The following RAP1GAP variants were observed in gnomAD, a reference collection of about 807,000 sequenced individuals.
The protein encoded by RAP1GAP is RAP1 GTPase activating protein.
A neutral mutation model predicts 87.2 loss-of-function variants in RAP1GAP; 35 were observed. That is an observed-to-expected ratio of 0.40 (90% CI 0.31 to 0.53). The LOEUF (loss-of-function observed/expected upper bound fraction) is 0.53, where lower values mean the gene tolerates loss of function less well. Among genes scored for constraint, RAP1GAP ranks in the 20% least tolerant of loss-of-function variants. The pLI, the probability that RAP1GAP is intolerant of heterozygous loss-of-function variation, is 0.48. For synonymous variants in RAP1GAP, 375 were observed against 363.9 expected (o/e 1.03, Z -0.35); for missense variants, 734 against 898.9 (o/e 0.82, Z 2.35).
chr1:21,640,447 A>G (rs2095414570), intron 2 of RAP1GAP, among the ~76,000 whole-genome samples: 1 of 152,236 alleles, frequency 6.6e-6, no homozygotes, highest in African/African-American at 2.4e-5. Flanking sequence ...GATCTGCTGC[A>G]TGAATGAATG....
chr1:21,602,083 C>T (rs962341537), intron 19 of RAP1GAP, among the ~76,000 whole-genome samples: 2 of 152,202 alleles, frequency 1.3e-5, no homozygotes, highest in Non-Finnish European at 2.9e-5. Flanking sequence ...CCCAGGGACG[C>T]ACAGCTAGGA....
intron 2 of RAP1GAP, among the ~76,000 whole-genome samples, chr1:21,644,916 A>AGAG (rs1231859658): frequency 3.3e-5 from 5 of 149,370 alleles, no homozygotes; most frequent in African/African-American, 1.2e-4. Context: ...AAAAAAAAAA[A>AGAG]AAAAGAGAAA....
intron 20 of RAP1GAP, among the ~76,000 whole-genome samples, chr1:21,600,096 G>A (rs1010274256): frequency 1.3e-5 from 2 of 152,158 alleles, no homozygotes; most frequent in African/African-American, 4.8e-5. Flanking sequence ...ACAGGTGGGA[G>A]GGCAGGGGTT....
chr1:21,602,995 GC>G, intron 18 of RAP1GAP, 82 bp from the exon 19 acceptor site: 2 of 998,528 alleles, frequency 2.0e-6, no homozygotes, highest in Non-Finnish European at 3.0e-6. Context: ...GGATCCTGCT[GC>G]CCCAGGCCCT....
rs1371309323 is a variant in RAP1GAP at position 21,622,284 on chromosome 1, C to T, written c.-18-2234G>A. ...AGAGCCGGCCGGGCTCCCCAGCAGT[C>T]GGGGTGACCCAGCCCCGGGGTCCCT... On this transcript the variant is annotated intron_variant, in intron 3 of 24. Coordinates refer to ENST00000374765, the MANE Select transcript of RAP1GAP (RefSeq NM_002885.4). This position sits in a 1 kb window ranked among gnomAD's most constrained non-coding sequence, Gnocchi z 5.7. 1.0e-5 allele frequency: 5 copies of T among 481,244 alleles called. No homozygotes were observed. The highest frequency in any genetic ancestry group is 5.8e-5 in the South Asian group (2 of 34,720). 29.8% of individuals were successfully genotyped at this position (481,244 alleles called of 1,614,324 possible).
intron 3 of RAP1GAP, among the ~76,000 whole-genome samples, chr1:21,620,852 A>T (rs1053075902): frequency 6.7e-6 from 1 of 149,746 alleles, no homozygotes; most frequent in Non-Finnish European, 1.5e-5. Context: ...AAGCACGCAC[A>T]CTCTCTCTCT....
intron 16 of RAP1GAP, 48 bp downstream of exon 16, chr1:21,608,802 G>T (rs1180696186): frequency 6.5e-7 from 1 of 1,542,506 alleles, no homozygotes. Context: ...GAAGTTATAG[G>T]TTGGAAGGTG....
intron 3 of RAP1GAP, among the ~76,000 whole-genome samples, chr1:21,625,144 C>T (rs755335914): frequency 1.3e-5 from 2 of 152,218 alleles, no homozygotes; most frequent in Non-Finnish European, 2.9e-5. Context: ...GTGGCACCCC[C>T]ATGAAGGTGG....
intron 2 of RAP1GAP, among the ~76,000 whole-genome samples, chr1:21,647,885 C>T (rs770755578): frequency 2.6e-5 from 4 of 152,124 alleles, no homozygotes; most frequent in Non-Finnish European, 4.4e-5. Flanking sequence ...GGAGGGACAT[C>T]AAGGGGAGGT....
At chr1:21,633,651 T>C (rs2094193248) in intron 2 of RAP1GAP, among the ~76,000 whole-genome samples, 1 of 149,066 alleles carries the variant, frequency 6.7e-6, no homozygotes, top group Non-Finnish European at 1.5e-5. Context: ...GGGAGTGGTC[T>C]GGAAGGGCGG....
At chr1:21,637,145 CTTTT>C (rs869047762) in intron 2 of RAP1GAP, among the ~76,000 whole-genome samples, 4 of 128,492 alleles carry the variant, frequency 3.1e-5, no homozygotes, top group African/African-American at 8.5e-5. Flanking sequence ...TCTTTTTTTT[CTTTT>C]TTTTTTTTTT....
At chr1:21,658,410 A>C (rs547905674) in intron 1 of RAP1GAP, among the ~76,000 whole-genome samples, 1 of 152,216 alleles carries the variant, frequency 6.6e-6, no homozygotes, top group Non-Finnish European at 1.5e-5. Flanking sequence ...TCTACTAAAA[A>C]TACAAAAATT....
intron 18 of RAP1GAP, among the ~76,000 whole-genome samples, chr1:21,605,008 G>A (rs1256863546): frequency 7.0e-6 from 1 of 143,792 alleles, no homozygotes; most frequent in Non-Finnish European, 1.5e-5. Context: ...TGGGTGGGTG[G>A]GTGGATAGCT....
chr1:21,600,796 A>C (rs2148613059), intron 20 of RAP1GAP, among the ~76,000 whole-genome samples: 1 of 147,624 alleles, frequency 6.8e-6, no homozygotes, highest in Non-Finnish European at 1.5e-5. Flanking sequence ...GAGGCAGGAG[A>C]ATGGCGTGAA....
chr1:21,630,013 G>A (rs1418888735), intron 2 of RAP1GAP, among the ~76,000 whole-genome samples: 1 of 152,170 alleles, frequency 6.6e-6, no homozygotes, highest in African/African-American at 2.4e-5. Flanking sequence ...CAACAGCAAC[G>A]GCCGACACAG....
At chr1:21,646,597 G>C (rs146821696) in intron 2 of RAP1GAP, among the ~76,000 whole-genome samples, 88 of 152,262 alleles carry the variant, frequency 5.8e-4, no homozygotes, top group African/African-American at 2.1e-3. Flanking sequence ...CACCTCCCAG[G>C]CTCCTAGTTT....
chr1:21,610,770 A>G (rs2077724887), intron 13 of RAP1GAP, among the ~76,000 whole-genome samples: 1 of 152,214 alleles, frequency 6.6e-6, no homozygotes, highest in Admixed American at 6.5e-5. Flanking sequence ...TGAATAAACA[A>G]GCTCAACTTG....
chr1:21,599,052 C>T (rs1301385818), intron 21 of RAP1GAP, among the ~76,000 whole-genome samples: 1 of 152,218 alleles, frequency 6.6e-6, no homozygotes, highest in East Asian at 1.9e-4. Context: ...TCAGGGAAGG[C>T]TTTCAGGAGG....
chr1:21,636,485 C>T lies in RAP1GAP; in HGVS notation c.-112-10088G>A, dbSNP rs1487216569. Among the ~76,000 whole-genome samples, 7 of 152,234 alleles carry T rather than the reference C, an allele frequency of 4.6e-5. No homozygotes were observed. In the East Asian group the frequency reaches 5.8e-4, roughly 13 times the overall value. On this transcript the variant is annotated intron_variant, in intron 2 of 24. Coordinates refer to ENST00000374765, the MANE Select transcript of RAP1GAP (RefSeq NM_002885.4). ...GGTGGAAGTTGTGAGAAGGTAGAAA[C>T]GATGGGACAAACACAGCTGCCCAAG...
Sources: gnomAD v4.1 joint callset for allele counts (sites outside exome capture counted in the v4.1 genomes callset) on GRCh38, gnomAD v4.1.1 for gene constraint, Gnocchi (gnomAD v3.1) non-coding constraint, MANE v1.5 for transcripts, NCBI Gene and HGNC (gene_info 2026-07-23, HGNC 2026-07-21) for gene names.